Variants in SUCLG2 observed in about 807,000 individuals in gnomAD.
The protein encoded by SUCLG2 is succinate--CoA ligase [GDP-forming] subunit beta, mitochondrial.
SUCLG2 carries 42 observed loss-of-function variants against 47.9 expected under a neutral mutation model. The observed-to-expected ratio is 0.88, with a 90% confidence interval of 0.69 to 1.14. The LOEUF is 1.14. Among genes scored for constraint, SUCLG2 ranks in the 50% most tolerant of loss-of-function variants. The pLI is 0.00. For missense variants in SUCLG2, 571 were observed against 525.9 expected (o/e 1.09, Z -0.84); for synonymous variants, 195 against 197.3 (o/e 0.99, Z 0.10).
At chr3:67,550,921 C>T (rs1398611207) in intron 2 of SUCLG2, among the ~76,000 whole-genome samples, 5 of 151,716 alleles carry the variant, frequency 3.3e-5, no homozygotes, top group East Asian at 3.9e-4. Flanking sequence ...GCAGGGGCGG[C>T]GGCAGAAATG....
chr3:67,397,854 G>C (rs1414584977), intron 10 of SUCLG2, among the ~76,000 whole-genome samples: 1 of 151,940 alleles, frequency 6.6e-6, no homozygotes, highest in Non-Finnish European at 1.5e-5. Flanking sequence ...AGAGCCCTCA[G>C]AAATAACACC....
chr3:67,418,518 C>T (rs184637764), intron 9 of SUCLG2, among the ~76,000 whole-genome samples: 25 of 152,302 alleles, frequency 1.6e-4, no homozygotes, highest in African/African-American at 5.3e-4. Flanking sequence ...AGTAAGGCAA[C>T]TTCCTAATCC....
At chr3:67,447,972 G>A (rs202077728) in intron 9 of SUCLG2, among the ~76,000 whole-genome samples, 2 of 152,166 alleles carry the variant, frequency 1.3e-5, no homozygotes, top group Admixed American at 6.5e-5. Flanking sequence ...CAGGTGATCC[G>A]CCTGCCTAGG....
At chr3:67,414,407 T>C (rs1702992192) in intron 9 of SUCLG2, among the ~76,000 whole-genome samples, 1 of 152,208 alleles carries the variant, frequency 6.6e-6, no homozygotes, top group African/African-American at 2.4e-5. Flanking sequence ...GGAGATTATA[T>C]TGACTAACTG....
chr3:67,432,088 G>C (rs1224706901), intron 9 of SUCLG2, among the ~76,000 whole-genome samples: 2 of 152,126 alleles, frequency 1.3e-5, no homozygotes, highest in Non-Finnish European at 2.9e-5. Context: ...TTTTTCAGCT[G>C]TCAAGAGATA....
chr3:67,563,908 G>A (rs572804487), intron 2 of SUCLG2, among the ~76,000 whole-genome samples: 15 of 149,234 alleles, frequency 1.0e-4, no homozygotes, highest in South Asian at 2.1e-4. Flanking sequence ...TGCAGTGAGC[G>A]GAGATCTCGC....
intron 9 of SUCLG2, among the ~76,000 whole-genome samples, chr3:67,466,843 T>C (rs1405279884): frequency 1.3e-5 from 2 of 152,196 alleles, no homozygotes; most frequent in South Asian, 2.1e-4. Context: ...GTATGAAATA[T>C]TACCAGCTGA....
rs148082498 is a variant in SUCLG2 at position 67,594,018 on chromosome 3, TC to T, written c.226+15436del. Among the ~76,000 whole-genome samples, 1,045 of 152,280 alleles carry T rather than the reference TC, an allele frequency of 6.9e-3. 14 individuals carry two copies. Among genetic ancestry groups the T allele is most frequent in the African/African-American group, 0.024 (992 of 41,562 alleles). On this transcript the variant is annotated intron_variant, in intron 2 of 10. Coordinates refer to ENST00000307227, the MANE Select transcript of SUCLG2 (RefSeq NM_003848.4). ...CTTGCTCTCTTGCATTCCAGCCACTTCCTTGTGAAAACTATACCCACACCTA... is the reference window on the plus strand; with the variant it reads ...CTTGCTCTCTTGCATTCCAGCCACTTCTTGTGAAAACTATACCCACACCTA...
Position 67,388,397 on chromosome 3 carries a change from G to A in SUCLG2, c.1183+12334C>T, listed in dbSNP as rs145063412. 1.6e-4 allele frequency among the ~76,000 whole-genome samples: 25 copies of A among 152,206 alleles called. No homozygotes were observed. The East Asian group carries it at 2.3e-3, about 14-fold the overall frequency. On this transcript the variant is annotated intron_variant, in intron 10 of 10. Transcript: ENST00000307227. ...GGAATTGGCATCTTGTGTGATAAAC[G>A]TCCTCGGATAGATACAGGGTCTCAC...
At chr3:67,634,811 T>C (rs1051016291) in intron 1 of SUCLG2, among the ~76,000 whole-genome samples, 6 of 152,222 alleles carry the variant, frequency 3.9e-5, no homozygotes, top group Non-Finnish European at 5.9e-5. Flanking sequence ...TGAAACTCAG[T>C]GCAGACAATA....
chr3:67,595,618 C>A (rs1420767023), intron 2 of SUCLG2, among the ~76,000 whole-genome samples: 1 of 152,178 alleles, frequency 6.6e-6, no homozygotes, highest in Non-Finnish European at 1.5e-5. Flanking sequence ...GAAGCAAAGG[C>A]CACTGACTGT....
chr3:67,384,427 A>G (rs1224858263), intron 10 of SUCLG2, among the ~76,000 whole-genome samples: 1 of 152,242 alleles, frequency 6.6e-6, no homozygotes, highest in Non-Finnish European at 1.5e-5. Context: ...AGCCATGTCC[A>G]TTCCTCTACC....
chr3:67,603,678 CAT>C (rs1708470566), intron 2 of SUCLG2, among the ~76,000 whole-genome samples: 1 of 152,126 alleles, frequency 6.6e-6, no homozygotes, highest in African/African-American at 2.4e-5. Flanking sequence ...CTCATGTCAA[CAT>C]GTGTGGAATA....
At chr3:67,561,416 T>G (rs892539570) in intron 2 of SUCLG2, among the ~76,000 whole-genome samples, 1 of 152,168 alleles carries the variant, frequency 6.6e-6, no homozygotes, top group African/African-American at 2.4e-5. Flanking sequence ...TGGCATTTCC[T>G]GCTCAGCAAG....
At chr3:67,598,897 T>C (rs1234938376) in intron 2 of SUCLG2, among the ~76,000 whole-genome samples, 1 of 152,194 alleles carries the variant, frequency 6.6e-6, no homozygotes, top group African/African-American at 2.4e-5. Flanking sequence ...GATGGGACTA[T>C]GCTTCAAACT....
At position 67,570,559 on chromosome 3, in the gene SUCLG2, CAT is replaced by C. The variant is rs1309055409; in HGVS notation, c.226+38894_226+38895del. Among the ~76,000 whole-genome samples the C allele has an allele frequency of 4.6e-5, 7 of 152,316 alleles. 1 individual carries two copies. In the South Asian group the frequency reaches 1.2e-3, roughly 27 times the overall value. ...GGCTGGGCATGACAGAAAGATCAAT[CAT>C]GTGTTTTACAGTGGGGAACACAGAG... On this transcript the variant is annotated intron_variant, in intron 2 of 10. Coordinates refer to ENST00000307227, the MANE Select transcript of SUCLG2 (RefSeq NM_003848.4).
At chr3:67,408,125 T>C (rs1295220997) in intron 9 of SUCLG2, among the ~76,000 whole-genome samples, 1 of 152,218 alleles carries the variant, frequency 6.6e-6, no homozygotes. Context: ...CAGATTTGCC[T>C]TCTGCTGAAA....
chr3:67,519,585 G>C (rs1706040836), intron 5 of SUCLG2, among the ~76,000 whole-genome samples: 1 of 152,106 alleles, frequency 6.6e-6, no homozygotes, highest in South Asian at 2.1e-4. Context: ...AGGATGCTAA[G>C]TGGGTGTTTA....
chr3:67,424,335 T>A (rs993060584), intron 9 of SUCLG2, among the ~76,000 whole-genome samples: 8 of 152,190 alleles, frequency 5.3e-5, no homozygotes, highest in African/African-American at 1.9e-4. Context: ...CTTTTTGACA[T>A]CTCTATTTCC....
Sources: gnomAD v4.1 joint callset for allele counts (sites outside exome capture counted in the v4.1 genomes callset) on GRCh38, gnomAD v4.1.1 for gene constraint, MANE v1.5 for transcripts, NCBI Gene and HGNC (gene_info 2026-07-23, HGNC 2026-07-21) for gene names.